The following NOS1AP variants were observed in gnomAD, a reference collection of about 807,000 sequenced individuals.
NOS1AP encodes the protein nitric oxide synthase 1 adaptor protein, also known as carboxyl-terminal PDZ ligand of neuronal nitric oxide synthase protein.
A neutral mutation model predicts 56.2 loss-of-function variants in NOS1AP; 21 were observed. That is an observed-to-expected ratio of 0.37 (90% CI 0.26 to 0.54). NOS1AP has a LOEUF of 0.54. Among genes scored for constraint, NOS1AP ranks in the 20% least tolerant of loss-of-function variants. The pLI is 0.84. For missense variants in NOS1AP, 522 were observed against 657.8 expected (o/e 0.79, Z 2.26); for synonymous variants, 270 against 274.6 (o/e 0.98, Z 0.17).
chr1:162,301,065 C>T (rs1655636397), intron 4 of NOS1AP, among the ~76,000 whole-genome samples: 1 of 152,176 alleles, frequency 6.6e-6, no homozygotes, highest in African/African-American at 2.4e-5. Flanking sequence ...CCTATGCTAA[C>T]AATTTCCCAC....
chr1:162,362,114 T>C (rs1657923904), intron 8 of NOS1AP, among the ~76,000 whole-genome samples: 1 of 152,056 alleles, frequency 6.6e-6, no homozygotes. Context: ...TCTGGTGCAT[T>C]CAAATGGCCT....
At chr1:162,248,925 C>T (rs949473319) in intron 2 of NOS1AP, among the ~76,000 whole-genome samples, 2 of 152,158 alleles carry the variant, frequency 1.3e-5, no homozygotes, top group Non-Finnish European at 2.9e-5. Flanking sequence ...AGCACCCCCC[C>T]CTTTCCTTTT....
chr1:162,352,108 G>A (rs1256302862), intron 6 of NOS1AP, among the ~76,000 whole-genome samples: 2 of 151,938 alleles, frequency 1.3e-5, no homozygotes, highest in Middle Eastern at 6.3e-3. Context: ...TGCCCAGGCT[G>A]GAGTGCAGTG....
At chr1:162,251,672 A>G (rs12408082) in intron 2 of NOS1AP, among the ~76,000 whole-genome samples, 10 of 144,470 alleles carry the variant, frequency 6.9e-5, no homozygotes, top group African/African-American at 1.8e-4. Context: ...GTGTGTGTGT[A>G]TGTGTGTGTA....
chr1:162,248,572 G>C (rs999970368), intron 2 of NOS1AP, among the ~76,000 whole-genome samples: 1 of 152,154 alleles, frequency 6.6e-6, no homozygotes, highest in Non-Finnish European at 1.5e-5. Context: ...GCAGAGGAGA[G>C]GGGGCAGAGA....
chr1:162,158,019 G>A lies in NOS1AP; in HGVS notation c.177+3543G>A, dbSNP rs140693166. On this transcript the variant is annotated intron_variant, in intron 2 of 9. Transcript: ENST00000361897. Reference sequence around the variant, plus strand: ...TTCAGTATTTTTTATGGTGGTAAATGTGTAACATTAAATTTAACTATTTTT... The same window carrying A: ...TTCAGTATTTTTTATGGTGGTAAATATGTAACATTAAATTTAACTATTTTT... 2.6e-5 allele frequency among the ~76,000 whole-genome samples: 4 copies of A among 152,230 alleles called. No homozygotes were observed. The East Asian group carries it at 5.8e-4, about 22-fold the overall frequency.
At chr1:162,258,142 C>T (rs917672588) in intron 2 of NOS1AP, among the ~76,000 whole-genome samples, 3 of 152,166 alleles carry the variant, frequency 2.0e-5, no homozygotes, top group Non-Finnish European at 4.4e-5. Flanking sequence ...CTCAGTCTCC[C>T]TCAGCCCTCA....
At chr1:162,223,860 T>C (rs1425441228) in intron 2 of NOS1AP, among the ~76,000 whole-genome samples, 1 of 152,236 alleles carries the variant, frequency 6.6e-6, no homozygotes, top group Non-Finnish European at 1.5e-5. Flanking sequence ...AGCATTTCAA[T>C]ACTATACATG....
chr1:162,324,766 T>G (rs1194051923), intron 4 of NOS1AP, among the ~76,000 whole-genome samples: 1 of 152,192 alleles, frequency 6.6e-6, no homozygotes, highest in East Asian at 1.9e-4. Flanking sequence ...TTTGTATAAT[T>G]TTATTCATTG....
chr1:162,350,200 C>T (rs992233578), intron 6 of NOS1AP, among the ~76,000 whole-genome samples: 5 of 152,178 alleles, frequency 3.3e-5, no homozygotes, highest in South Asian at 4.1e-4. Context: ...CCACCTGACA[C>T]GTCAGCAGGC....
chr1:162,318,495 T>C (rs917670975), intron 4 of NOS1AP, among the ~76,000 whole-genome samples: 3 of 152,316 alleles, frequency 2.0e-5, no homozygotes, highest in East Asian at 3.9e-4. Flanking sequence ...CTGGAGACTC[T>C]CTGCTCCCTC....
intron 2 of NOS1AP, among the ~76,000 whole-genome samples, chr1:162,276,655 G>A (rs983830978): frequency 6.6e-6 from 1 of 152,090 alleles, no homozygotes; most frequent in African/African-American, 2.4e-5. Flanking sequence ...CCCAGGCTGG[G>A]AACCATGGTT....
At chr1:162,265,996 C>T (rs554945852) in intron 2 of NOS1AP, among the ~76,000 whole-genome samples, 6 of 152,182 alleles carry the variant, frequency 3.9e-5, no homozygotes, top group South Asian at 4.1e-4. Context: ...GTAGGATGGA[C>T]GAGGGGACTA....
chr1:162,313,656 A>G (rs746768421), intron 4 of NOS1AP, among the ~76,000 whole-genome samples: 9 of 152,156 alleles, frequency 5.9e-5, no homozygotes, highest in Admixed American at 1.3e-4. Flanking sequence ...TCTGAGTGTA[A>G]TGGGGAGAGT....
intron 2 of NOS1AP, among the ~76,000 whole-genome samples, chr1:162,159,676 C>T (rs144958472): frequency 0.034 from 5,193 of 152,190 alleles, 127 homozygotes; most frequent in Non-Finnish European, 0.053. Context: ...AACTGTATTC[C>T]CAACATTTGG....
chr1:162,227,195 T>G (rs948571611), intron 2 of NOS1AP, among the ~76,000 whole-genome samples: 6 of 152,230 alleles, frequency 3.9e-5, no homozygotes, highest in African/African-American at 1.4e-4. Flanking sequence ...TCCCCCGCTG[T>G]GCATTGATGT....
rs1426973212 is a variant in NOS1AP at position 162,188,434 on chromosome 1, T to A, written c.177+33958T>A. Among the ~76,000 whole-genome samples, 1 of 152,214 alleles carries A rather than the reference T, an allele frequency of 6.6e-6. No homozygotes were observed. The highest frequency in any genetic ancestry group is 2.4e-5 in the African/African-American group (1 of 41,444). ...TTAATGCTCTGTTGTTAATATCTTA[T>A]AAGACCTGGATCACTTGCTTTATTG... On this transcript the variant is annotated intron_variant, in intron 2 of 9. Coordinates refer to ENST00000361897, the MANE Select transcript of NOS1AP (RefSeq NM_014697.3). This position sits in a 1 kb window ranked among gnomAD's most constrained non-coding sequence, Gnocchi z 4.0.
At chr1:162,346,310 A>C (rs778242404) in intron 6 of NOS1AP, among the ~76,000 whole-genome samples, 1 of 152,218 alleles carries the variant, frequency 6.6e-6, no homozygotes, top group Non-Finnish European at 1.5e-5. Context: ...ATAAATTACA[A>C]TACAATATGG....
intron 1 of NOS1AP, among the ~76,000 whole-genome samples, chr1:162,140,892 G>GA (rs1649208567): frequency 6.6e-6 from 1 of 152,190 alleles, no homozygotes; most frequent in Admixed American, 6.5e-5. Context: ...TTTCTCTAGT[G>GA]ATGATGAGCA....
Sources: allele counts gnomAD v4.1 joint callset (sites outside exome capture counted in the v4.1 genomes callset), GRCh38; gene constraint gnomAD v4.1.1; non-coding constraint Gnocchi (gnomAD v3.1); transcripts MANE v1.5; gene names NCBI Gene and HGNC (gene_info 2026-07-23, HGNC 2026-07-21).